Variants in DIS3L2 observed in about 807,000 individuals in gnomAD.
DIS3L2 encodes the protein DIS3-like exonuclease 2.
Under a neutral mutation model 97.5 loss-of-function variants are expected in DIS3L2, and 34 were observed. That is an observed-to-expected ratio of 0.35 (90% CI 0.27 to 0.46). The LOEUF (loss-of-function observed/expected upper bound fraction) is 0.46. DIS3L2 is among the 20% of genes least tolerant of loss of function. DIS3L2 has a pLI of 1.00. For missense variants in DIS3L2, 1,038 were observed against 1,146.0 expected (o/e 0.91, Z 1.36); for synonymous variants, 435 against 445.2 (o/e 0.98, Z 0.29).
intron 5 of DIS3L2, among the ~76,000 whole-genome samples, chr2:232,056,627 C>A (rs569739968): frequency 7.9e-5 from 12 of 152,248 alleles, no homozygotes; most frequent in African/African-American, 2.9e-4. Context: ...ATGACTGATA[C>A]AGGCTCTTCA....
At chr2:232,112,685 G>T (rs1384275734) in intron 6 of DIS3L2, among the ~76,000 whole-genome samples, 1 of 152,090 alleles carries the variant, frequency 6.6e-6, no homozygotes, top group African/African-American at 2.4e-5. Flanking sequence ...ATGGAGTTAG[G>T]GCTGGAAACA....
At chr2:232,329,788 C>CGGGGGGGGCA in intron 14 of DIS3L2, 25 bp from the exon 15 acceptor site, 1 of 1,080,634 alleles carries the variant, frequency 9.3e-7, no homozygotes, top group Non-Finnish European at 1.3e-6. Flanking sequence ...CCAGCGGTCC[C>CGGGGGGGGCA]TCCCATCCCA....
chr2:232,051,811 CAAAAAAAAAAAAAAA>C (rs58851349), intron 5 of DIS3L2, among the ~76,000 whole-genome samples: 1 of 37,062 alleles, frequency 2.7e-5, no homozygotes, highest in Admixed American at 4.6e-4. Flanking sequence ...GACTCCGTCT[CAAAAAAAAAAAAAAA>C]AAAAAAAAAA....
chr2:232,029,528 C>G (rs917204143), intron 4 of DIS3L2, among the ~76,000 whole-genome samples: 2 of 151,868 alleles, frequency 1.3e-5, no homozygotes, highest in African/African-American at 4.8e-5. Context: ...GGTCCTAAGT[C>G]AGCAAGGTCG....
chr2:231,981,598 T>TTATATATATATA (rs10669283), intron 1 of DIS3L2, among the ~76,000 whole-genome samples: 382 of 84,010 alleles, frequency 4.5e-3, no homozygotes, highest in East Asian at 6.6e-3. Flanking sequence ...GTTAAGTATT[T>TTATATATATATA]TATATATATA....
intron 4 of DIS3L2, among the ~76,000 whole-genome samples, chr2:232,029,270 T>C (rs976416202): frequency 6.6e-6 from 1 of 152,238 alleles, no homozygotes; most frequent in Non-Finnish European, 1.5e-5. Context: ...GTGAAACATT[T>C]TGAAAATATT....
rs1048350926 is a variant in DIS3L2, at chr2:231,967,340, A to G, written c.-94+5575A>G. On this transcript the variant is annotated intron_variant, in intron 1 of 20. Coordinates refer to ENST00000325385, the MANE Select transcript of DIS3L2 (RefSeq NM_152383.5). ...TGAAATTGGATTGTTTCTATTTCCC[A>G]TTAGGCTTTGGTGAGGAGAAGTTTG... Among the ~76,000 whole-genome samples the G allele has an allele frequency of 2.0e-5, 3 of 152,186 alleles. No individual in the cohort carries two copies. The East Asian group carries it at 5.8e-4, about 29-fold the overall frequency.
At chr2:232,074,767 A>G (rs752847687) in intron 5 of DIS3L2, among the ~76,000 whole-genome samples, 21 of 151,920 alleles carry the variant, frequency 1.4e-4, no homozygotes, top group Non-Finnish European at 2.8e-4. Flanking sequence ...TATTTTTGGT[A>G]GAGACGGAGT....
At position 232,107,124 on chromosome 2, in the gene DIS3L2, A is replaced by T. The variant is rs562639402; in HGVS notation, c.601+19403A>T. 4.7e-4 allele frequency among the ~76,000 whole-genome samples: 71 copies of T among 152,348 alleles called. No individual in the cohort carries two copies. In the South Asian group the frequency reaches 5.8e-3, roughly 12 times the overall value. On this transcript the variant is annotated intron_variant, in intron 6 of 20. Transcript: ENST00000325385. Reference sequence around the variant, plus strand: ...TAACGCAGTGTTAAGAGGGAAATTTATAGCAATAAACGCCCACATCAAAAA... The same window carrying T: ...TAACGCAGTGTTAAGAGGGAAATTTTTAGCAATAAACGCCCACATCAAAAA...
intron 9 of DIS3L2, among the ~76,000 whole-genome samples, chr2:232,188,172 C>A (rs1001735360): frequency 6.6e-6 from 1 of 152,060 alleles, no homozygotes; most frequent in Non-Finnish European, 1.5e-5. Context: ...AGGGAAACAA[C>A]CCAATCAACT....
intron 6 of DIS3L2, among the ~76,000 whole-genome samples, chr2:232,124,782 A>G (rs2106344542): frequency 6.6e-6 from 1 of 152,292 alleles, no homozygotes; most frequent in East Asian, 1.9e-4. Flanking sequence ...CCAGGAGGAA[A>G]CTACTGAAAG....
intron 1 of DIS3L2, among the ~76,000 whole-genome samples, chr2:231,998,973 G>GT (rs1334675058): frequency 6.6e-6 from 1 of 152,146 alleles, no homozygotes; most frequent in Admixed American, 6.6e-5. Flanking sequence ...CATTTTTTGA[G>GT]TATTTTCTTA....
chr2:232,069,120 G>A (rs558336783), intron 5 of DIS3L2, among the ~76,000 whole-genome samples: 1 of 152,198 alleles, frequency 6.6e-6, no homozygotes, highest in Non-Finnish European at 1.5e-5. Flanking sequence ...TCTGGCCTGA[G>A]CTTATTTTTT....
At chr2:231,981,198 C>T (rs1693246456) in intron 1 of DIS3L2, among the ~76,000 whole-genome samples, 1 of 152,124 alleles carries the variant, frequency 6.6e-6, no homozygotes, top group African/African-American at 2.4e-5. Context: ...CCTACCTTGG[C>T]CTCCCAAAGA....
intron 9 of DIS3L2, among the ~76,000 whole-genome samples, chr2:232,198,198 T>A (rs1447797690): frequency 1.3e-5 from 2 of 152,022 alleles, no homozygotes; most frequent in Non-Finnish European, 2.9e-5. Context: ...CACCCACCAT[T>A]GTTATAATTC....
chr2:232,201,446 C>A (rs929020073), intron 9 of DIS3L2, among the ~76,000 whole-genome samples: 3 of 152,212 alleles, frequency 2.0e-5, no homozygotes, highest in East Asian at 3.8e-4. Flanking sequence ...CTTTACAAGA[C>A]AACTGACCTG....
Position 232,130,712 on chromosome 2 carries a change from C to T in DIS3L2, c.695C>T (p.Ser232Leu), listed in dbSNP as rs747734015. The T allele has an allele frequency of 4.3e-6, 7 of 1,613,810 alleles. No homozygotes were observed. The Admixed American group carries it at 5.0e-5, about 12-fold the overall frequency. ...RALSEKSLQR[S>L]AKVVYILEKK... ...TTATCGGAGAAATCCCTGCAAAGATCAGCAAAGGTCATTGCCTACAGATTT... is the reference window on the plus strand; with the variant it reads ...TTATCGGAGAAATCCCTGCAAAGATTAGCAAAGGTCATTGCCTACAGATTT... Residue 232 changes from serine to leucine, a missense_variant, in exon 7 of 21, where the codon TCA (serine) becomes TTA (leucine). Ser to Leu is a moderately radical substitution (Grantham distance 145, BLOSUM62 -2). Coordinates refer to ENST00000325385, the MANE Select transcript of DIS3L2 (RefSeq NM_152383.5).
intron 10 of DIS3L2, among the ~76,000 whole-genome samples, chr2:232,234,654 A>G (rs930744033): frequency 1.3e-5 from 2 of 152,210 alleles, no homozygotes; most frequent in African/African-American, 2.4e-5. Flanking sequence ...TATGATCATC[A>G]TAGTCTATGT....
At chr2:232,337,905 CCCT>C (rs1338091350), downstream of DIS3L2, among the ~76,000 whole-genome samples, 2 of 151,228 alleles carry the variant, frequency 1.3e-5, no homozygotes, top group African/African-American at 4.9e-5. Flanking sequence ...GGGAGCCTTT[CCCT>C]CCTCCAGGGC....
Sources: gnomAD v4.1 joint callset for allele counts (sites outside exome capture counted in the v4.1 genomes callset) on GRCh38, gnomAD v4.1.1 for gene constraint, MANE v1.5 for transcripts, NCBI Gene and HGNC (gene_info 2026-07-23, HGNC 2026-07-21) for gene names.